Variants in TRPA1 observed in about 807,000 individuals in gnomAD.
TRPA1 encodes ankyrin-like with transmembrane domains 1.
A neutral mutation model predicts 131.3 loss-of-function variants in TRPA1; 129 were observed. The ratio of observed to expected loss-of-function variants is 0.98; its 90% confidence interval spans 0.85 to 1.14. TRPA1 has a LOEUF of 1.14. TRPA1 is among the 50% of genes most tolerant of loss of function. The probability of loss-of-function intolerance (pLI) is 0.00; values close to 1 mark genes in which losing one functional copy is unlikely to be tolerated. For synonymous variants in TRPA1, 441 were observed against 451.7 expected, an observed-to-expected ratio of 0.98 and a Z score of 0.30; for missense variants, 1,304 against 1,354.2, an observed-to-expected ratio of 0.96 and a Z score of 0.58.
rs1161100028 is a variant in TRPA1, at chr8:72,033,698, A to G, written c.2814T>C (p.Phe938=). Residue 938 remains phenylalanine, a synonymous_variant, in exon 23 of 27, where the codon TTT becomes TTC. Coordinates refer to ENST00000262209, the MANE Select transcript of TRPA1 (RefSeq NM_007332.3). The stretch of plus-strand genomic sequence containing the variant: ...ATATTGTGAAGGAAACAAGTTGTGC[A>G]AAGGACAGAACTGGATGTGCCAATT... ...RNELAHPVLS[F]AQLVSFTIFV... The G allele has an allele frequency of 6.2e-7, 1 of 1,614,140 alleles. No individual in the cohort carries two copies. The highest frequency in any genetic ancestry group is 8.5e-7 in the Non-Finnish European group (1 of 1,180,012).
At chr8:72,045,330 A>C (rs941836866) in intron 17 of TRPA1, among the ~76,000 whole-genome samples, 7 of 151,712 alleles carry the variant, frequency 4.6e-5, no homozygotes, top group African/African-American at 1.7e-4. Flanking sequence ...TAGGGAAATG[A>C]ACTCATTGAA....
At chr8:72,040,529 G>C (rs1287026499) in intron 17 of TRPA1, among the ~76,000 whole-genome samples, 1 of 152,052 alleles carries the variant, frequency 6.6e-6, no homozygotes, top group African/African-American at 2.4e-5. Context: ...AGTGCCATTG[G>C]GAGAAAACTC....
rs1186756718 is a variant in TRPA1 at position 72,059,448 on chromosome 8, C to A, written c.945-10G>T. 4 of 1,548,366 alleles carry A rather than the reference C, an allele frequency of 2.6e-6. No individual in the cohort carries two copies. The African/African-American group carries it at 5.5e-5, about 21-fold the overall frequency. ...ATCAAACAATGAAGCTCTGAAAAAA[C>A]AGAATTATAAACATTATAATTAAAG... On this transcript the variant is annotated splice_polypyrimidine_tract_variant and intron_variant, in intron 7 of 26. Transcript: ENST00000262209.
At chr8:72,023,198 C>T in intron 26 of TRPA1, 82 bp from the exon 27 acceptor site, 1 of 432,348 alleles carries the variant, frequency 2.3e-6, no homozygotes, top group Admixed American at 4.7e-5. Context: ...TAGGTTTTAA[C>T]CTCGGTCCCT....
upstream of TRPA1, among the ~76,000 whole-genome samples, chr8:72,080,289 C>CTATT (rs1242040001): frequency 6.6e-6 from 1 of 151,568 alleles, no homozygotes. Flanking sequence ...TCATAGATGT[C>CTATT]TATTATCAGG....
chr8:72,033,460 C>T (rs759312051), intron 23 of TRPA1, among the ~76,000 whole-genome samples, 184 bp downstream of exon 23: 7 of 152,136 alleles, frequency 4.6e-5, no homozygotes, highest in Admixed American at 6.5e-5. Flanking sequence ...CATCTTTGCA[C>T]GCCCTGAGCC....
intron 17 of TRPA1, among the ~76,000 whole-genome samples, chr8:72,042,956 A>T (rs1031525783): frequency 6.6e-6 from 1 of 151,926 alleles, no homozygotes; most frequent in Non-Finnish European, 1.5e-5. Flanking sequence ...TCAGTTTTGC[A>T]ACATGAAATA....
rs1805994307 is a variant in TRPA1, at chr8:72,069,034, C to T, written c.433G>A (p.Glu145Lys). 3.1e-6 allele frequency: 5 copies of T among 1,614,118 alleles called. No homozygotes were observed. The highest frequency in any genetic ancestry group is 1.7e-5 in the Admixed American group (1 of 60,010). ...GCCAGTAGCCTTACCTTCATCACCT[C>T]ATTATTCATGCCCTGCACAGCTATG... is the stretch of plus-strand genomic sequence containing the variant. ...LHIAVQGMNN[E>K]VMKVLLEHRT... is the part of the protein sequence containing the mutation. The change falls in exon 3 of 27, where the codon GAG (glutamate) becomes AAG (lysine). Residue 145 changes from glutamate to lysine, a missense_variant. By Grantham distance (56) the Glu-to-Lys change is moderately conservative. Transcript: ENST00000262209.
At chr8:72,087,174 CTGGCTGTAAT>C in the TRPA1 span, among the ~76,000 whole-genome samples, 1 of 152,150 alleles carries the variant, frequency 6.6e-6, no homozygotes, top group African/African-American at 2.4e-5. Context: ...TGGTGTATTA[CTGGCTGTAAT>C]TGGGTTATGA....
intron 1 of TRPA1, 50 bp downstream of exon 1, chr8:72,075,248 AC>A (rs1438409095): frequency 1.2e-5 from 18 of 1,440,968 alleles, no homozygotes; most frequent in African/African-American, 5.6e-5. Flanking sequence ...CCTCCAGCCG[AC>A]CCCCGCCCGC....
chr8:72,057,161 C>T lies in TRPA1; in HGVS notation c.1094-144G>A, dbSNP rs1427082239. On this transcript the variant is annotated intron_variant, in intron 9 of 26. Transcript: ENST00000262209. Reference sequence around the variant, plus strand: ...AGGAAATTGTGTTTAGATGAGAAAACTAAACATATTTAAAATCAGGTTTAA... The same window carrying T: ...AGGAAATTGTGTTTAGATGAGAAAATTAAACATATTTAAAATCAGGTTTAA... 3.0e-5 allele frequency: 20 copies of T among 669,430 alleles called. No homozygotes were observed. The South Asian group carries it at 3.7e-4, about 12-fold the overall frequency. 41.5% of individuals were successfully genotyped at this position (669,430 alleles called of 1,614,324 possible). A position where few individuals can be genotyped will look rare whatever the true frequency, so the allele number is the denominator to read the frequency against.
chr8:72,068,363 T>G (rs1232664823), intron 3 of TRPA1, among the ~76,000 whole-genome samples: 1 of 152,208 alleles, frequency 6.6e-6, no homozygotes, highest in African/African-American at 2.4e-5. Context: ...TTAAAAACCA[T>G]GGCCTAATTC....
chr8:72,036,462 G>A lies in TRPA1; in HGVS notation c.2386-5C>T, dbSNP rs1403663362. 1 of 1,610,028 alleles carries A rather than the reference G, an allele frequency of 6.2e-7. No homozygotes were observed. Among genetic ancestry groups the A allele is most frequent in the Non-Finnish European group, 8.5e-7 (1 of 1,176,626 alleles). On this transcript the variant is annotated splice_polypyrimidine_tract_variant and splice_region_variant and intron_variant, in intron 20 of 26. Transcript: ENST00000262209. ...ATCCATAAAATAATTCCTTTTCTGG[G>A]ATAGAAAAGAATAAAAAATTACCAC... is the stretch of plus-strand genomic sequence containing the variant.
chr8:72,032,364 T>C (rs1218739890), intron 23 of TRPA1, among the ~76,000 whole-genome samples: 4 of 152,194 alleles, frequency 2.6e-5, no homozygotes, highest in Non-Finnish European at 1.5e-5. Flanking sequence ...TGAGGAACTA[T>C]GGCAGTCCAA....
intron 12 of TRPA1, 30 bp from the exon 13 acceptor site, chr8:72,053,897 A>G: frequency 6.5e-7 from 1 of 1,537,482 alleles, no homozygotes; most frequent in South Asian, 1.1e-5. Flanking sequence ...AGATGTGTGC[A>G]TACACTTAAC....
intron 20 of TRPA1, among the ~76,000 whole-genome samples, chr8:72,037,533 G>T (rs896898107): frequency 6.6e-6 from 1 of 151,940 alleles, no homozygotes; most frequent in Admixed American, 6.6e-5. Context: ...TTAAAACTTG[G>T]AATTTTATTT....
At position 72,060,710 on chromosome 8, in the gene TRPA1, G is replaced by A. The variant is rs139039001; in HGVS notation, c.944+915C>T. Among the ~76,000 whole-genome samples the A allele has an allele frequency of 5.3e-5, 8 of 151,930 alleles. No homozygotes were observed. The East Asian group carries it at 1.4e-3, about 26-fold the overall frequency. ...AGTAAATTTGTCTTTGGTCAACTTC[G>A]TAGTTTTTTACTAGTTTTATGCTAT... On this transcript the variant is annotated intron_variant, in intron 7 of 26. Coordinates refer to ENST00000262209, the MANE Select transcript of TRPA1 (RefSeq NM_007332.3).
Position 72,025,950 on chromosome 8 carries a change from G to A in TRPA1, c.3051+10C>T. Reference sequence around the variant, plus strand: ...TGTTACTGATGTTGTTATTTGTTATGTGTACTTACGAATAACATCCCACCA... The same window carrying A: ...TGTTACTGATGTTGTTATTTGTTATATGTACTTACGAATAACATCCCACCA... On this transcript the variant is annotated intron_variant, in intron 25 of 26. Transcript: ENST00000262209. 1 of 1,592,944 alleles carries A rather than the reference G, an allele frequency of 6.3e-7. No homozygotes were observed. The highest frequency in any genetic ancestry group is 1.1e-5 in the South Asian group (1 of 90,608).
intron 23 of TRPA1, 104 bp from the exon 24 acceptor site, chr8:72,030,073 A>T (rs995497634): frequency 1.9e-5 from 20 of 1,055,022 alleles, no homozygotes; most frequent in Non-Finnish European, 2.8e-5. Context: ...AAAATATTTT[A>T]GTCTGGGTAG....
Sources: gnomAD v4.1 joint callset for allele counts (sites outside exome capture counted in the v4.1 genomes callset) on GRCh38, gnomAD v4.1.1 for gene constraint, MANE v1.5 for transcripts, NCBI Gene and HGNC (gene_info 2026-07-23, HGNC 2026-07-21) for gene names.